The following LPAR3 variants were observed in gnomAD, a reference collection of about 807,000 sequenced individuals.
LPAR3 encodes LPA receptor 3.
A neutral mutation model predicts 17.8 loss-of-function variants in LPAR3; 7 were observed. That is an observed-to-expected ratio of 0.39 (90% CI 0.22 to 0.74). The LOEUF is 0.74. Ranked by LOEUF, LPAR3 falls within the 30% of genes least tolerant of loss-of-function variation. The probability of loss-of-function intolerance (pLI) is 0.40; values close to 1 mark genes in which losing one functional copy is unlikely to be tolerated. For synonymous variants in LPAR3, 179 were observed against 179.9 expected (o/e 0.99, Z 0.04); for missense variants, 391 against 453.4 (o/e 0.86, Z 1.25).
chr1:84,841,390 T>A (rs577070827), intron 2 of LPAR3, among the ~76,000 whole-genome samples: 2 of 152,262 alleles, frequency 1.3e-5, no homozygotes, highest in South Asian at 4.2e-4. Flanking sequence ...GGACAGTCCC[T>A]GGATTAGGCT....
At chr1:84,851,157 G>T (rs4907103) in intron 2 of LPAR3, among the ~76,000 whole-genome samples, 75,241 of 152,118 alleles carry the variant, frequency 0.49, 18,652 homozygotes, top group Non-Finnish European at 0.51. Flanking sequence ...GGCACAAAGT[G>T]GTGGTCAATT....
intron 2 of LPAR3, among the ~76,000 whole-genome samples, chr1:84,849,839 A>T (rs1292844182): frequency 6.6e-6 from 1 of 152,188 alleles, no homozygotes; most frequent in African/African-American, 2.4e-5. Context: ...AACCCTCATG[A>T]TCCCAGGAGA....
intron 2 of LPAR3, among the ~76,000 whole-genome samples, chr1:84,815,830 G>A (rs1658922038): frequency 6.6e-6 from 1 of 152,172 alleles, no homozygotes; most frequent in East Asian, 1.9e-4. Context: ...ATATCTATAT[G>A]TTTAGTAGCT....
intron 1 of LPAR3, among the ~76,000 whole-genome samples, chr1:84,867,073 A>C (rs539284186): frequency 3.9e-5 from 6 of 152,226 alleles, no homozygotes; most frequent in Admixed American, 6.5e-5. Flanking sequence ...CTGAAAGAAG[A>C]CCCCAAACTG....
intron 2 of LPAR3, among the ~76,000 whole-genome samples, chr1:84,856,100 C>A (rs1172891245): frequency 6.6e-6 from 1 of 152,182 alleles, no homozygotes; most frequent in Non-Finnish European, 1.5e-5. Context: ...TTTGCACCCA[C>A]CGATTGACGG....
intron 1 of LPAR3, among the ~76,000 whole-genome samples, chr1:84,869,691 C>T (rs539782607): frequency 6.6e-6 from 1 of 152,284 alleles, no homozygotes; most frequent in Admixed American, 6.5e-5. Flanking sequence ...CCATCTACCA[C>T]ATTTTCTGTA....
chr1:84,855,973 C>CTGTCT (rs1433384452), intron 2 of LPAR3, among the ~76,000 whole-genome samples: 2 of 152,148 alleles, frequency 1.3e-5, no homozygotes, highest in African/African-American at 4.8e-5. Flanking sequence ...TAATTTGAAG[C>CTGTCT]TGTCTTCCTT....
intron 2 of LPAR3, among the ~76,000 whole-genome samples, chr1:84,860,138 AAACGGG>A (rs1179570366): frequency 6.6e-6 from 1 of 152,224 alleles, no homozygotes; most frequent in Non-Finnish European, 1.5e-5. Context: ...AGGGCTGCTG[AAACGGG>A]AACATGATGC....
rs184459537 is a variant in LPAR3 at position 84,856,025 on chromosome 1, C to T, written c.736+9360G>A. Among the ~76,000 whole-genome samples the T allele has an allele frequency of 1.0e-3, 153 of 152,242 alleles. 1 individual carries two copies. Among genetic ancestry groups the T allele is most frequent in the African/African-American group, 3.5e-3 (147 of 41,528 alleles). Reference sequence around the variant, plus strand: ...AGGTCATCTCAGTCCCCACGTTCCCCGTCAGAACAGGAAGGGATGTGTCAA... The same window carrying T: ...AGGTCATCTCAGTCCCCACGTTCCCTGTCAGAACAGGAAGGGATGTGTCAA... On this transcript the variant is annotated intron_variant, in intron 2 of 2. Coordinates refer to ENST00000370611, the MANE Select transcript of LPAR3 (RefSeq NM_012152.3).
At chr1:84,886,852 A>T (rs1253547374) in intron 1 of LPAR3, among the ~76,000 whole-genome samples, 1 of 152,160 alleles carries the variant, frequency 6.6e-6, no homozygotes, top group East Asian at 1.9e-4. Flanking sequence ...AATAATAGGG[A>T]TGTGTTAAAA....
At chr1:84,830,012 C>T (rs896053547) in intron 2 of LPAR3, among the ~76,000 whole-genome samples, 3 of 152,122 alleles carry the variant, frequency 2.0e-5, no homozygotes, top group African/African-American at 7.2e-5. Flanking sequence ...ATATTGTAGT[C>T]CCACACCTGT....
At chr1:84,862,693 T>G (rs997645897) in intron 2 of LPAR3, among the ~76,000 whole-genome samples, 1 of 152,228 alleles carries the variant, frequency 6.6e-6, no homozygotes, top group Non-Finnish European at 1.5e-5. Flanking sequence ...CTAGAGGCAT[T>G]GTGAGGGTTT....
At chr1:84,846,099 G>A (rs192966709) in intron 2 of LPAR3, among the ~76,000 whole-genome samples, 5 of 152,006 alleles carry the variant, frequency 3.3e-5, no homozygotes, top group East Asian at 3.9e-4. Context: ...TCAATTTCCC[G>A]GTACCACAGG....
chr1:84,872,319 G>A (rs1362026437), intron 1 of LPAR3, among the ~76,000 whole-genome samples: 1 of 151,936 alleles, frequency 6.6e-6, no homozygotes, highest in Non-Finnish European at 1.5e-5. Context: ...ATTCCTCTGG[G>A]GAGACTTGGC....
At chr1:84,846,938 G>A (rs2102756998) in intron 2 of LPAR3, among the ~76,000 whole-genome samples, 1 of 152,280 alleles carries the variant, frequency 6.6e-6, no homozygotes, top group South Asian at 2.1e-4. Context: ...GGGCTACCCT[G>A]TAGTTTATTC....
At chr1:84,880,941 G>T (rs918695985) in intron 1 of LPAR3, among the ~76,000 whole-genome samples, 2 of 152,206 alleles carry the variant, frequency 1.3e-5, no homozygotes, top group African/African-American at 4.8e-5. Context: ...CACTGCCAGG[G>T]CAGGGAGGTC....
chr1:84,863,710 G>A (rs1286265958), intron 2 of LPAR3, among the ~76,000 whole-genome samples: 1 of 152,172 alleles, frequency 6.6e-6, no homozygotes, highest in African/African-American at 2.4e-5. Flanking sequence ...TTGAATTCCT[G>A]AGTCAAACAT....
chr1:84,865,421 G>A lies in LPAR3; in HGVS notation c.700C>T (p.Pro234Ser). 2 of 1,613,984 alleles carry A rather than the reference G, an allele frequency of 1.2e-6. No individual in the cohort carries two copies. The highest frequency in any genetic ancestry group is 1.7e-6 in the Non-Finnish European group (2 of 1,179,948). Reference sequence around the variant, plus strand: ...ATCACCGTCTTCATTAGCTTCATGGGTGTCCTCCGGCGGCTGATGGACCCA... The same window carrying A: ...ATCACCGTCTTCATTAGCTTCATGGATGTCCTCCGGCGGCTGATGGACCCA... ...TSGSISRRRT[P>S]MKLMKTVMTV... The change falls in exon 2 of 3, where the codon CCC becomes TCC. Residue 234 changes from proline (P) to serine (S), a missense_variant. Coordinates refer to ENST00000370611, the MANE Select transcript of LPAR3 (RefSeq NM_012152.3).
chr1:84,869,786 A>T (rs535268809), intron 1 of LPAR3, among the ~76,000 whole-genome samples: 1 of 152,346 alleles, frequency 6.6e-6, no homozygotes, highest in African/African-American at 2.4e-5. Flanking sequence ...GAAAAATCAA[A>T]ATTAATGTTC....
Sources: allele counts gnomAD v4.1 joint callset (sites outside exome capture counted in the v4.1 genomes callset), GRCh38; gene constraint gnomAD v4.1.1; transcripts MANE v1.5; gene names NCBI Gene and HGNC (gene_info 2026-07-23, HGNC 2026-07-21).